SLC7A9: variants seen among roughly 807,000 people sequenced by gnomAD.
SLC7A9 encodes solute carrier family 7 member 9, also known as B(0,+)-type amino acid transporter 1.
A neutral mutation model predicts 54.1 loss-of-function variants in SLC7A9; 38 were observed. That is an observed-to-expected ratio of 0.70 (90% CI 0.54 to 0.92). The LOEUF is 0.92. SLC7A9 is among the 40% of genes least tolerant of loss of function. The pLI, the probability that SLC7A9 is intolerant of heterozygous loss-of-function variation, is 0.00. For missense variants in SLC7A9, 537 were observed against 636.1 expected, an observed-to-expected ratio of 0.84 and a Z score of 1.68; for synonymous variants, 264 against 258.9, an observed-to-expected ratio of 1.02 and a Z score of -0.19.
intron 11 of SLC7A9, among the ~76,000 whole-genome samples, chr19:32,839,903 A>T (rs999827284): frequency 6.6e-6 from 1 of 152,162 alleles, no homozygotes; most frequent in Non-Finnish European, 1.5e-5. Context: ...GTTACATTGT[A>T]TGCCTTTCAG....
chr19:32,849,935 T>C (rs1308932935), intron 9 of SLC7A9, among the ~76,000 whole-genome samples: 1 of 152,096 alleles, frequency 6.6e-6, no homozygotes, highest in Non-Finnish European at 1.5e-5. Context: ...AAAAACCACG[T>C]GATTATCTCA....
intron 9 of SLC7A9, among the ~76,000 whole-genome samples, chr19:32,849,407 A>G (rs949729304): frequency 6.6e-6 from 1 of 152,040 alleles, no homozygotes. Context: ...AAACACCTCT[A>G]TGCAAATAAA....
chr19:32,856,009 C>A (rs1173447993), intron 9 of SLC7A9, among the ~76,000 whole-genome samples: 1 of 152,074 alleles, frequency 6.6e-6, no homozygotes, highest in Non-Finnish European at 1.5e-5. Flanking sequence ...AAAATTCAAA[C>A]ATAGCAATAG....
chr19:32,837,216 C>A (rs1967983869), intron 11 of SLC7A9, among the ~76,000 whole-genome samples: 1 of 152,130 alleles, frequency 6.6e-6, no homozygotes. Context: ...AAATTTCCTG[C>A]CAGGTGCTGT....
At chr19:32,865,448 C>A (rs866537294) in intron 2 of SLC7A9, among the ~76,000 whole-genome samples, 3 of 152,216 alleles carry the variant, frequency 2.0e-5, no homozygotes, top group African/African-American at 4.8e-5. Flanking sequence ...GGATTGCAGG[C>A]GTAAGCCGCC....
At chr19:32,839,922 T>A (rs1968082390) in intron 11 of SLC7A9, among the ~76,000 whole-genome samples, 1 of 152,192 alleles carries the variant, frequency 6.6e-6, no homozygotes, top group Admixed American at 6.5e-5. Context: ...AGTATGTTGG[T>A]TCAAGATCAC....
chr19:32,833,430 C>A, intron 11 of SLC7A9, 107 bp from the exon 12 acceptor site: 1 of 925,656 alleles, frequency 1.1e-6, no homozygotes, highest in Non-Finnish European at 1.7e-6. Context: ...CCCCCTCCTC[C>A]AATTTCAATC....
chr19:32,863,986 C>A, intron 4 of SLC7A9, 110 bp downstream of exon 4: 1 of 1,553,228 alleles, frequency 6.4e-7, no homozygotes. Flanking sequence ...GATGCCAGGC[C>A]CTGCCTGGGC....
intron 9 of SLC7A9, among the ~76,000 whole-genome samples, chr19:32,850,927 G>T (rs1968449221): frequency 1.3e-5 from 2 of 152,252 alleles, no homozygotes; most frequent in African/African-American, 4.8e-5. Flanking sequence ...ATGGGGAAAG[G>T]ATTCCCTATT....
rs767053213 is a variant in SLC7A9, at chr19:32,830,586, A to G, written c.*34T>C. 2 of 1,534,488 alleles carry G rather than the reference A, an allele frequency of 1.3e-6. No individual in the cohort carries two copies. The highest frequency in any genetic ancestry group is 2.2e-5 in the East Asian group (1 of 44,506). On this transcript the variant is annotated 3_prime_UTR_variant, in exon 13 of 13. Transcript: ENST00000023064. ...CCACAAATATTGCTTAAGAAAATAA[A>G]TTCAGCTGACTTGGCTACAAGAGAC...
At chr19:32,844,523 G>C (rs913877206) in intron 9 of SLC7A9, among the ~76,000 whole-genome samples, 12 of 151,838 alleles carry the variant, frequency 7.9e-5, no homozygotes, top group Non-Finnish European at 1.3e-4. Flanking sequence ...AGAATTTCTT[G>C]AAAAAGTTAC....
intron 3 of SLC7A9, 97 bp from the exon 4 acceptor site, chr19:32,864,435 G>T: frequency 1.3e-6 from 2 of 1,576,260 alleles, no homozygotes; most frequent in Non-Finnish European, 1.7e-6. Flanking sequence ...TCGTATGGAG[G>T]GGCCCACCGT....
chr19:32,855,831 C>A (rs940499870), intron 9 of SLC7A9, among the ~76,000 whole-genome samples: 3 of 152,342 alleles, frequency 2.0e-5, no homozygotes, highest in African/African-American at 7.2e-5. Context: ...TGTCTCTTTG[C>A]AGTCAGTTCC....
At chr19:32,837,048 T>A (rs1967977986) in intron 11 of SLC7A9, among the ~76,000 whole-genome samples, 1 of 149,606 alleles carries the variant, frequency 6.7e-6, no homozygotes, top group South Asian at 2.1e-4. Flanking sequence ...TTTATTCATA[T>A]AATGATAAGT....
intron 4 of SLC7A9, 82 bp from the exon 5 acceptor site, chr19:32,862,668 A>ATT (rs1250960402): frequency 0.01 from 10,037 of 992,646 alleles, no homozygotes; most frequent in Middle Eastern, 0.015. Context: ...TATATTTTTT[A>ATT]TTTTTTTTTT....
chr19:32,834,019 C>T (rs191879079), intron 11 of SLC7A9, among the ~76,000 whole-genome samples: 1 of 152,148 alleles, frequency 6.6e-6, no homozygotes, highest in Admixed American at 6.6e-5. Context: ...CTGTGTGTTT[C>T]CAGAATGACA....
intron 2 of SLC7A9, among the ~76,000 whole-genome samples, chr19:32,867,008 C>G (rs1208718080): frequency 6.6e-6 from 1 of 152,210 alleles, no homozygotes; most frequent in Non-Finnish European, 1.5e-5. Flanking sequence ...GAGCTCCTTT[C>G]TGCCTTCCCC....
At chr19:32,850,305 CCTT>C (rs1355096809) in intron 9 of SLC7A9, among the ~76,000 whole-genome samples, 13 of 148,514 alleles carry the variant, frequency 8.8e-5, no homozygotes, top group African/African-American at 3.2e-4. Flanking sequence ...CCCAAAATCT[CCTT>C]AAGCTGATAA....
At chr19:32,839,214 G>A (rs1300855862) in intron 11 of SLC7A9, among the ~76,000 whole-genome samples, 5 of 152,020 alleles carry the variant, frequency 3.3e-5, no homozygotes, top group Admixed American at 6.6e-5. Context: ...ACCTTTGCCA[G>A]TGACTTTTTG....
Sources: allele counts gnomAD v4.1 joint callset (sites outside exome capture counted in the v4.1 genomes callset), GRCh38; gene constraint gnomAD v4.1.1; transcripts MANE v1.5; gene names NCBI Gene and HGNC (gene_info 2026-07-23, HGNC 2026-07-21).